Variants in ITGAM observed in about 807,000 individuals in gnomAD.
ITGAM encodes integrin subunit alpha M.
In ITGAM, 79 loss-of-function variants were observed where a neutral mutation model predicts 137.5. That is an observed-to-expected ratio of 0.57 (90% confidence interval 0.48 to 0.69). The LOEUF (loss-of-function observed/expected upper bound fraction) is 0.69, where lower values mean the gene tolerates loss of function less well. Among genes scored for constraint, ITGAM ranks in the 30% least tolerant of loss-of-function variants. The pLI is 0.00. For synonymous variants in ITGAM, 583 were observed against 592.3 expected (o/e 0.98, Z 0.23); for missense variants, 1,343 against 1,483.5 (o/e 0.91, Z 1.56).
intron 14 of ITGAM, among the ~76,000 whole-genome samples, chr16:31,311,264 A>G (rs1440911761): frequency 6.6e-6 from 1 of 152,254 alleles, no homozygotes; most frequent in Non-Finnish European, 1.5e-5. Flanking sequence ...CAATGGCAAC[A>G]AAAGCCAAAA....
At chr16:31,266,863 T>C (rs1021910689) in intron 5 of ITGAM, among the ~76,000 whole-genome samples, 124 of 11,726 alleles carry the variant, frequency 0.011, no homozygotes, top group Non-Finnish European at 0.014. Flanking sequence ...ACTGTATGGA[T>C]TTTTTTTTTT....
Position 31,270,707 on chromosome 16 carries a change from A to G in ITGAM, c.428-247A>G, listed in dbSNP as rs1298447094. Among the ~76,000 whole-genome samples, 433 of 81,374 alleles carry G rather than the reference A, an allele frequency of 5.3e-3. 5 individuals are homozygous for G. The highest frequency in any genetic ancestry group is 0.02 in the African/African-American group (289 of 14,456). 53.4% of individuals were successfully genotyped at this position (81,374 alleles called of 152,430 possible). A position where few individuals can be genotyped will look rare whatever the true frequency, so the allele number is the denominator to read the frequency against. ...TTTTAACGTGTGTGTGTGTATATATATATATATATATATATATATATATAT... is the reference window on the plus strand; with the variant it reads ...TTTTAACGTGTGTGTGTGTATATATGTATATATATATATATATATATATAT... On this transcript the variant is annotated intron_variant, in intron 5 of 29. Transcript: ENST00000544665.
chr16:31,307,370 G>T (rs2080275955), intron 14 of ITGAM, among the ~76,000 whole-genome samples: 1 of 152,160 alleles, frequency 6.6e-6, no homozygotes, highest in African/African-American at 2.4e-5. Flanking sequence ...CACATCCCTT[G>T]TAAGTTGGAT....
chr16:31,304,580 T>C (rs547174190), intron 14 of ITGAM, among the ~76,000 whole-genome samples: 12 of 152,352 alleles, frequency 7.9e-5, no homozygotes, highest in African/African-American at 2.9e-4. Context: ...TGTAGAATTG[T>C]TATGGTTTCA....
At chr16:31,303,675 C>T (rs1036274293) in intron 14 of ITGAM, among the ~76,000 whole-genome samples, 1 of 152,152 alleles carries the variant, frequency 6.6e-6, no homozygotes. Context: ...TATAGTTTAG[C>T]TCCCACTTAT....
intron 2 of ITGAM, among the ~76,000 whole-genome samples, chr16:31,263,300 A>G (rs1159198675): frequency 3.3e-5 from 5 of 152,198 alleles, no homozygotes; most frequent in Non-Finnish European, 5.9e-5. Flanking sequence ...ATTGTTCCCA[A>G]ACTTTTGCTC....
intron 5 of ITGAM, among the ~76,000 whole-genome samples, chr16:31,267,823 T>G (rs528998568): frequency 1.3e-5 from 2 of 152,216 alleles, no homozygotes; most frequent in South Asian, 4.1e-4. Flanking sequence ...TTTGTATTTT[T>G]TGTAGAGATG....
intron 14 of ITGAM, 110 bp downstream of exon 14, chr16:31,298,064 A>G: frequency 1.1e-6 from 1 of 893,078 alleles, no homozygotes; most frequent in Non-Finnish European, 1.8e-6. Context: ...TCCTTTCAGA[A>G]CCTTCAAAAA....
intron 5 of ITGAM, among the ~76,000 whole-genome samples, chr16:31,267,122 C>G: frequency 6.6e-6 from 1 of 152,156 alleles, no homozygotes; most frequent in East Asian, 1.9e-4. Flanking sequence ...CCCACCTTGG[C>G]TTCCCAAAGT....
chr16:31,271,799 G>A (rs750561526), intron 6 of ITGAM, 48 bp from the exon 7 acceptor site: 1 of 1,610,108 alleles, frequency 6.2e-7, no homozygotes, highest in Non-Finnish European at 8.5e-7. Context: ...AGATGTCTGA[G>A]GGGTGGGGGC....
At position 31,321,624 on chromosome 16, in the gene ITGAM, G is replaced by A. The variant is rs770870437; in HGVS notation, c.1999G>A (p.Glu667Lys). Residue 667 changes from glutamate to lysine, a missense_variant, in exon 16 of 30, where the codon GAA (glutamate) becomes AAA (lysine). Transcript: ENST00000544665. ...GAAGAGCACACGGGATCGGCTAAGAGAAGGTGAGGCTTGGTGGATGAGTCT... is the reference window on the plus strand; with the variant it reads ...GAAGAGCACACGGGATCGGCTAAGAAAAGGTGAGGCTTGGTGGATGAGTCT... ...VQKSTRDRLR[E>K]GQIQSVVTYD... 4.3e-6 allele frequency: 7 copies of A among 1,613,352 alleles called. No individual in the cohort carries two copies. Among genetic ancestry groups the A allele is most frequent in the Non-Finnish European group, 2.5e-6 (3 of 1,179,676 alleles).
At chr16:31,280,987 T>C (rs556357662) in intron 12 of ITGAM, among the ~76,000 whole-genome samples, 4 of 152,316 alleles carry the variant, frequency 2.6e-5, no homozygotes, top group Admixed American at 2.0e-4. Context: ...ACGTGGTTTT[T>C]GTCTTTGGTT....
In ITGAM at chr16:31,276,545, T is replaced by TAACTCA; in HGVS notation, c.1010-126_1010-125insAACTCA. ...CGGGGTTTCACCATGTTCACCAGAC[T>TAACTCA]GGTCTCTAACTCCTGACCTCAAGTG... On this transcript the variant is annotated intron_variant, in intron 9 of 29. Transcript: ENST00000544665. 12 of 656,828 alleles carry TAACTCA rather than the reference T, an allele frequency of 1.8e-5. No individual in the cohort carries two copies. The South Asian group carries it at 2.2e-4, about 12-fold the overall frequency. 40.7% of individuals were successfully genotyped at this position (656,828 alleles called of 1,614,324 possible).
At chr16:31,300,642 G>A (rs1483551032) in intron 14 of ITGAM, among the ~76,000 whole-genome samples, 5 of 152,214 alleles carry the variant, frequency 3.3e-5, no homozygotes, top group East Asian at 1.9e-4. Flanking sequence ...CGGGAGCAGC[G>A]GCTCATGCCT....
chr16:31,267,241 C>CA (rs2079779787), intron 5 of ITGAM, among the ~76,000 whole-genome samples: 1 of 152,048 alleles, frequency 6.6e-6, no homozygotes, highest in Non-Finnish European at 1.5e-5. Context: ...ATGGCTATGC[C>CA]ATCTTTTTGC....
chr16:31,326,812 TTC>T (rs1491390257), intron 21 of ITGAM, 42 bp from the exon 22 acceptor site: 2 of 1,356,534 alleles, frequency 1.5e-6, no homozygotes, highest in African/African-American at 1.4e-5. Context: ...GGGTTATTTT[TTC>T]TCTCATATTT....
chr16:31,312,807 G>A (rs1296305640), intron 14 of ITGAM, among the ~76,000 whole-genome samples: 2 of 150,804 alleles, frequency 1.3e-5, no homozygotes, highest in African/African-American at 2.4e-5. Flanking sequence ...TCACAAGATC[G>A]ATTATAGCCA....
At chr16:31,262,241 CCCTTCCTTCCTT>C (rs150381197) in intron 2 of ITGAM, among the ~76,000 whole-genome samples, 2 of 151,214 alleles carry the variant, frequency 1.3e-5, no homozygotes. Context: ...CTCCCTTCCT[CCCTTCCTTCCTT>C]CCTTCCTTCT....
chr16:31,324,104 AGGAAGGAAGGAAGAAG>A lies in ITGAM; in HGVS notation c.2003-282_2003-267del. ...GTAGGAAAGGAAGGAAAGGAAGAAAAGGAAGGAAGGAAGAAGGGAAGGAAGGAAAGGAAGGAAAGTA... is the reference window on the plus strand; with the variant it reads ...GTAGGAAAGGAAGGAAAGGAAGAAAAGGAAGGAAGGAAAGGAAGGAAAGTA... On this transcript the variant is annotated intron_variant, in intron 16 of 29. Coordinates refer to ENST00000544665, the MANE Select transcript of ITGAM (RefSeq NM_000632.4). The surrounding 1 kb of genome is among the most constrained non-coding windows in gnomAD (Gnocchi z 4.5). Among the ~76,000 whole-genome samples, 1 of 151,252 alleles carries A rather than the reference AGGAAGGAAGGAAGAAG, an allele frequency of 6.6e-6. No individual in the cohort carries two copies. The highest frequency in any genetic ancestry group is 1.5e-5 in the Non-Finnish European group (1 of 67,628).
Sources: gnomAD v4.1 joint callset for allele counts (sites outside exome capture counted in the v4.1 genomes callset) on GRCh38, gnomAD v4.1.1 for gene constraint, Gnocchi (gnomAD v3.1) non-coding constraint, MANE v1.5 for transcripts, NCBI Gene and HGNC (gene_info 2026-07-23, HGNC 2026-07-21) for gene names.